The following SNRNP200 variants were observed in gnomAD, a reference collection of about 807,000 sequenced individuals.
The protein encoded by SNRNP200 is U5 small nuclear ribonucleoprotein 200 kDa helicase.
SNRNP200 carries 66 observed loss-of-function variants against 255.2 expected under a neutral mutation model. That is an observed-to-expected ratio of 0.26 (90% CI 0.21 to 0.32). The LOEUF (loss-of-function observed/expected upper bound fraction) is 0.32. Among genes scored for constraint, SNRNP200 ranks in the 10% least tolerant of loss-of-function variants. The pLI, the probability that SNRNP200 is intolerant of heterozygous loss-of-function variation, is 1.00. For synonymous variants in SNRNP200, 939 were observed against 1,027.8 expected (o/e 0.91, Z 1.65); for missense variants, 1,585 against 2,749.8 (o/e 0.58, Z 9.47).
intron 16 of SNRNP200, among the ~76,000 whole-genome samples, chr2:96,292,488 C>G (rs1248586758): frequency 1.3e-5 from 2 of 152,174 alleles, no homozygotes; most frequent in Non-Finnish European, 2.9e-5. Context: ...AATTCTATCA[C>G]ACTGTCTAGT....
rs34749374 is a variant in SNRNP200 at position 96,276,420 on chromosome 2, ATTTTTTT to A, written c.6174+477_6174+483del. The A allele has an allele frequency of 7.3e-3, 1,171 of 160,676 alleles. 11 individuals are homozygous for A. Among genetic ancestry groups the A allele is most frequent in the Non-Finnish European group, 0.012 (869 of 74,940 alleles). 10.0% of individuals were successfully genotyped at this position (160,676 alleles called of 1,614,324 possible). A position where few individuals can be genotyped will look rare whatever the true frequency, so the allele number is the denominator to read the frequency against. ...GGTTTAACAATGACCAGTCATCTAA[ATTTTTTT>A]TTTTTTTTTTTTTTGAGATGAAGTC... On this transcript the variant is annotated intron_variant, in intron 43 of 44. Coordinates refer to ENST00000323853, the MANE Select transcript of SNRNP200 (RefSeq NM_014014.5).
chr2:96,304,569 G>C (rs186604949), intron 2 of SNRNP200, 136 bp downstream of exon 2: 2 of 1,195,662 alleles, frequency 1.7e-6, no homozygotes, highest in South Asian at 1.3e-5. Context: ...AAACTCTCCT[G>C]GTCTGTTTTT....
In SNRNP200 at chr2:96,277,909, G is replaced by A. The variant is rs777284447; in HGVS notation, c.5652C>T (p.Phe1884=). The A allele has an allele frequency of 5.6e-6, 9 of 1,614,098 alleles. No individual in the cohort carries two copies. In the Admixed American group the frequency reaches 8.3e-5, roughly 15 times the overall value. The part of the protein sequence containing the change: ...KVPHKLNNPK[F]NDPHVKTNLL... ...GGTTGGTCTTGACGTGCGGATCATT[G>A]AACTTAGGGTTATTCAGCTTGTGGG... The change falls in exon 40 of 45, where the codon TTC becomes TTT. Residue 1884 remains phenylalanine, a synonymous_variant. Transcript: ENST00000323853. This position sits in a 1 kb window ranked among gnomAD's most constrained non-coding sequence, Gnocchi z 4.4.
chr2:96,284,017 AG>A lies in SNRNP200; in HGVS notation c.4393-14del. 7.0e-6 allele frequency: 4 copies of A among 575,530 alleles called. No individual in the cohort carries two copies. The highest frequency in any genetic ancestry group is 2.0e-5 in the African/African-American group (1 of 50,760). The allele number at this position is 575,530 out of a possible 1,614,324, so 35.7% of individuals were successfully genotyped here. On this transcript the variant is annotated splice_polypyrimidine_tract_variant and intron_variant, in intron 31 of 44. Coordinates refer to ENST00000323853, the MANE Select transcript of SNRNP200 (RefSeq NM_014014.5). ...CTTCTAAGACAGGCTGGAAAGAGGG[AG>A]GGAGGGAGGGTCACTGCAGGCCAAG...
At position 96,274,741 on chromosome 2, in the gene SNRNP200, A is replaced by G; in HGVS notation, c.*271T>C. 2.0e-6 allele frequency: 1 copy of G among 503,528 alleles called. No individual in the cohort carries two copies. Among genetic ancestry groups the G allele is most frequent in the Non-Finnish European group, 3.6e-6 (1 of 276,892 alleles). The allele number at this position is 503,528 out of a possible 1,614,324, so 31.2% of individuals were successfully genotyped here. ...CACTACAAAGACAAATGGTTTCTACAAATTATTTTATTAGAATGTCAGACT... is the reference window on the plus strand; with the variant it reads ...CACTACAAAGACAAATGGTTTCTACGAATTATTTTATTAGAATGTCAGACT... On this transcript the variant is annotated 3_prime_UTR_variant, in exon 45 of 45. Coordinates refer to ENST00000323853, the MANE Select transcript of SNRNP200 (RefSeq NM_014014.5).
chr2:96,286,906 T>C lies in SNRNP200; in HGVS notation c.3640-29A>G, dbSNP rs754125293. On this transcript the variant is annotated intron_variant, in intron 27 of 44. Transcript: ENST00000323853. The surrounding 1 kb of genome is among the most constrained non-coding windows in gnomAD (Gnocchi z 4.8). ...CCAACAGGAGCAAGGGTAAAAGGAA[T>C]GTGAGTCAACGTAGACTGAGTGCCT... 9 of 1,614,028 alleles carry C rather than the reference T, an allele frequency of 5.6e-6. No individual in the cohort carries two copies. The highest frequency in any genetic ancestry group is 4.0e-5 in the African/African-American group (3 of 74,916).
At position 96,291,441 on chromosome 2, in the gene SNRNP200, C is replaced by T; in HGVS notation, c.2372G>A (p.Arg791Lys). ...GFAIHHAGMT[R>K]VDRTLVEDLF... ...ATCCTCCACGAGTGTTCGGTCAACC[C>T]TGGTCATGCCTGCGTGATGAATAGC... The change falls in exon 18 of 45, where the codon AGG becomes AAG. Residue 791 changes from arginine (R) to lysine (K), a missense_variant. Physicochemically the swap from Arg to Lys is conservative, Grantham distance 26 (BLOSUM62 2). Around this residue, in one of 9 missense-constraint regions of SNRNP200, gnomAD observed 140 missense variants for 274.9 expected, o/e 0.51. Coordinates refer to ENST00000323853, the MANE Select transcript of SNRNP200 (RefSeq NM_014014.5). This position sits in a 1 kb window ranked among gnomAD's most constrained non-coding sequence, Gnocchi z 4.2. 2.5e-6 allele frequency: 4 copies of T among 1,613,624 alleles called. No individual in the cohort carries two copies. The highest frequency in any genetic ancestry group is 3.4e-6 in the Non-Finnish European group (4 of 1,179,514).
At position 96,297,388 on chromosome 2, in the gene SNRNP200, T is replaced by C; in HGVS notation, c.1352A>G (p.Lys451Arg). Residue 451 changes from lysine to arginine, a missense_variant, in exon 11 of 45, where the codon AAG becomes AGG. Lys to Arg is a conservative substitution (Grantham distance 26). Transcript: ENST00000323853. ...TTCTTCTGAGCCAAAGGGCTTGGGCTTCAGAGCAGGCACATGCACCTCTTC... is the reference window on the plus strand; with the variant it reads ...TTCTTCTGAGCCAAAGGGCTTGGGCCTCAGAGCAGGCACATGCACCTCTTC... ...GYEEVHVPAL[K>R]PKPFGSEEQL... 1 of 1,613,948 alleles carries C rather than the reference T, an allele frequency of 6.2e-7. No individual in the cohort carries two copies. The highest frequency in any genetic ancestry group is 8.5e-7 in the Non-Finnish European group (1 of 1,180,028).
In SNRNP200 at chr2:96,296,610, C is replaced by T. The variant is rs1284688428; in HGVS notation, c.1597G>A (p.Val533Met). 6.2e-7 allele frequency: 1 copy of T among 1,614,164 alleles called. No individual in the cohort carries two copies. The highest frequency in any genetic ancestry group is 1.1e-5 in the South Asian group (1 of 91,084). Residue 533 changes from valine to methionine, a missense_variant, in exon 13 of 45, where the codon GTG (valine) becomes ATG (methionine). Coordinates refer to ENST00000323853, the MANE Select transcript of SNRNP200 (RefSeq NM_014014.5). ...ATGTAGATAATCTTGAAGTCATCCA[C>T]ATTGATGGTGCCGTCCATGTTTATG... ...KHINMDGTIN[V>M]DDFKIIYIAP...
In SNRNP200 at chr2:96,277,436, A is replaced by G. The variant is rs779131189; in HGVS notation, c.5931+103T>C. On this transcript the variant is annotated intron_variant, in intron 41 of 44. Transcript: ENST00000323853. The surrounding 1 kb of genome is among the most constrained non-coding windows in gnomAD (Gnocchi z 4.4). ...GAGCACCTTCGGAGGAACCATAACT[A>G]AAAGTTTAACTTACTGAGACTCACC... The G allele has an allele frequency of 5.6e-6, 8 of 1,441,064 alleles. No individual in the cohort carries two copies. Among genetic ancestry groups the G allele is most frequent in the Non-Finnish European group, 7.8e-6 (8 of 1,029,216 alleles). The allele number at this position is 1,441,064 out of a possible 1,614,324, so 89.3% of individuals were successfully genotyped here.
In SNRNP200 at chr2:96,278,096, GGGAGGTATGGAGCGGGA is replaced by G; in HGVS notation, c.5610+124_5610+140del. 1 of 1,527,180 alleles carries G rather than the reference GGGAGGTATGGAGCGGGA, an allele frequency of 6.5e-7. No individual in the cohort carries two copies. Among genetic ancestry groups the G allele is most frequent in the Non-Finnish European group, 9.1e-7 (1 of 1,104,304 alleles). 94.6% of individuals were successfully genotyped at this position (1,527,180 alleles called of 1,614,324 possible). On this transcript the variant is annotated intron_variant, in intron 39 of 44. Transcript: ENST00000323853. This position sits in a 1 kb window ranked among gnomAD's most constrained non-coding sequence, Gnocchi z 6.9. ...GGTAATGGGATGGAGATGGGTTTGAGGGAGGTATGGAGCGGGAGGACATATGGCGGGGGTCGGGGGAT... is the reference window on the plus strand; with the variant it reads ...GGTAATGGGATGGAGATGGGTTTGAGGGACATATGGCGGGGGTCGGGGGAT...
chr2:96,280,503 A>AC (rs370444706), intron 35 of SNRNP200, among the ~76,000 whole-genome samples: 93 of 152,194 alleles, frequency 6.1e-4, no homozygotes, highest in African/African-American at 2.1e-3. Flanking sequence ...CTTAAAAAAA[A>AC]AACAACAACA....
At chr2:96,301,475 G>C (rs765996220) in intron 4 of SNRNP200, 49 bp downstream of exon 4, 2 of 1,566,222 alleles carry the variant, frequency 1.3e-6, no homozygotes, top group South Asian at 2.2e-5. Flanking sequence ...CATGTTTAGG[G>C]GTCAACAACA....
rs749927769 is a variant in SNRNP200, at chr2:96,298,468, CA to C, written c.983-49del. 9 of 1,612,390 alleles carry C rather than the reference CA, an allele frequency of 5.6e-6. No homozygotes were observed. In the African/African-American group the frequency reaches 1.2e-4, roughly 22 times the overall value. On this transcript the variant is annotated intron_variant, in intron 8 of 44. Transcript: ENST00000323853. Reference sequence around the variant, plus strand: ...AGGAAGTGAGGAGGAGGAAATAAGGCAAAAAACCATCCTCAGGGTAGAAAGA... The same window carrying C: ...AGGAAGTGAGGAGGAGGAAATAAGGCAAAAACCATCCTCAGGGTAGAAAGA...
Position 96,287,201 on chromosome 2 carries a change from C to T in SNRNP200, c.3485-41G>A. ...AGTACTGAGGCTGCAGCCCAGCCTG[C>T]CTACTATACTGCAAACTGGGCCTGA... is the stretch of plus-strand genomic sequence containing the variant. On this transcript the variant is annotated intron_variant, in intron 26 of 44. Transcript: ENST00000323853. This position sits in a 1 kb window ranked among gnomAD's most constrained non-coding sequence, Gnocchi z 5.7. The T allele has an allele frequency of 1.2e-6, 2 of 1,613,132 alleles. No individual in the cohort carries two copies. The highest frequency in any genetic ancestry group is 1.7e-6 in the Non-Finnish European group (2 of 1,179,174).
intron 3 of SNRNP200, among the ~76,000 whole-genome samples, chr2:96,302,570 T>A (rs967520777): frequency 3.3e-5 from 5 of 152,194 alleles, no homozygotes; most frequent in African/African-American, 1.2e-4. Context: ...TCAAATTCAA[T>A]TCCGTTCCAA....
intron 21 of SNRNP200, 62 bp downstream of exon 21, chr2:96,289,737 A>G: frequency 6.5e-7 from 1 of 1,533,750 alleles, no homozygotes; most frequent in Non-Finnish European, 9.0e-7. Flanking sequence ...AATCTGAAAA[A>G]TTTTTTCCTG....
chr2:96,282,727 A>T (rs771858668), intron 34 of SNRNP200: 2 of 282,380 alleles, frequency 7.1e-6, no homozygotes, highest in Non-Finnish European at 1.4e-5. Context: ...GCCATATAAG[A>T]TGCCTGCTTC....
At position 96,290,838 on chromosome 2, in the gene SNRNP200, TGAG is replaced by T. The variant is rs1323805410; in HGVS notation, c.2422-26_2422-24del. ...AACCTACAGAGGCAAAACAAGGTAA[TGAG>T]GAGAACAGATGCCATCACCAGGGGT... On this transcript the variant is annotated intron_variant, in intron 18 of 44. Coordinates refer to ENST00000323853, the MANE Select transcript of SNRNP200 (RefSeq NM_014014.5). The surrounding 1 kb of genome is among the most constrained non-coding windows in gnomAD (Gnocchi z 4.5). 3 of 1,614,044 alleles carry T rather than the reference TGAG, an allele frequency of 1.9e-6. No homozygotes were observed. The highest frequency in any genetic ancestry group is 1.7e-5 in the Admixed American group (1 of 60,022).
Sources: gnomAD v4.1 joint callset for allele counts (sites outside exome capture counted in the v4.1 genomes callset) on GRCh38, gnomAD v4.1.1 for gene constraint, gnomAD v4.1.1 regional missense constraint, Gnocchi (gnomAD v3.1) non-coding constraint, MANE v1.5 for transcripts, NCBI Gene and HGNC (gene_info 2026-07-23, HGNC 2026-07-21) for gene names.